The following MBOAT1 variants were observed in gnomAD, a reference collection of about 807,000 sequenced individuals.
MBOAT1 encodes membrane-bound glycerophospholipid O-acyltransferase 1.
Under a neutral mutation model 64.4 loss-of-function variants are expected in MBOAT1, and 67 were observed. That is an observed-to-expected ratio of 1.04 (90% CI 0.85 to 1.27). The LOEUF (loss-of-function observed/expected upper bound fraction) is 1.27, where lower values mean the gene tolerates loss of function less well. Ranked by LOEUF, MBOAT1 falls within the 50% of genes most tolerant of loss-of-function variation. The pLI is 0.00. For synonymous variants in MBOAT1, 229 were observed against 218.9 expected (o/e 1.05, Z -0.41); for missense variants, 563 against 604.6 (o/e 0.93, Z 0.72).
chr6:20,142,309 C>G (rs987778647), intron 4 of MBOAT1, among the ~76,000 whole-genome samples: 11 of 152,138 alleles, frequency 7.2e-5, no homozygotes, highest in African/African-American at 2.7e-4. Flanking sequence ...GGGGTGAAAC[C>G]AAAACAGTGG....
chr6:20,118,316 G>A (rs1760389187), intron 9 of MBOAT1, 121 bp downstream of exon 9: 2 of 753,522 alleles, frequency 2.7e-6, no homozygotes, highest in African/African-American at 1.8e-5. Flanking sequence ...GCTGAGCCTG[G>A]CAATTCCCTG....
rs775318866 is a variant in MBOAT1 at position 20,126,554 on chromosome 6, C to T, written c.677G>A (p.Arg226Gln). ...HMKLLEVNWKRKGFHSLPEPS... is the reference protein window; with the variant it reads ...HMKLLEVNWKQKGFHSLPEPS... ...TTCTGGCAAGCTGTGGAAACCTTTTCGCTTCCAGTTCACCTCCAGCAACTT... is the reference window on the plus strand; with the variant it reads ...TTCTGGCAAGCTGTGGAAACCTTTTTGCTTCCAGTTCACCTCCAGCAACTT... Residue 226 changes from arginine (R) to glutamine (Q), a missense_variant, in exon 7 of 13, where the codon CGA becomes CAA. Transcript: ENST00000324607. The T allele has an allele frequency of 9.9e-6, 16 of 1,612,770 alleles. No individual in the cohort carries two copies. The highest frequency in any genetic ancestry group is 2.2e-5 in the East Asian group (1 of 44,878).
rs537125848 is a variant in MBOAT1 at position 20,150,562 on chromosome 6, CT to C, written c.323+622del. ...TTTCATTATTTTCTTTTTCTTTTTC[CT>C]TTTTTTTTTTTTTTTTGACAGAGGA... is the stretch of plus-strand genomic sequence containing the variant. On this transcript the variant is annotated intron_variant, in intron 3 of 12. Transcript: ENST00000324607. 9.6e-3 allele frequency among the ~76,000 whole-genome samples: 1,292 copies of C among 134,780 alleles called. 5 individuals carry two copies. The highest frequency in any genetic ancestry group is 0.054 in the South Asian group (229 of 4,214). 88.4% of individuals were successfully genotyped at this position (134,780 alleles called of 152,430 possible).
chr6:20,131,627 G>A (rs778145003), intron 4 of MBOAT1, among the ~76,000 whole-genome samples: 11 of 152,148 alleles, frequency 7.2e-5, no homozygotes, highest in African/African-American at 7.2e-5. Flanking sequence ...TAATACAGCC[G>A]TTGGAAAGAA....
intron 10 of MBOAT1, among the ~76,000 whole-genome samples, chr6:20,114,103 G>T (rs1256336581): frequency 2.0e-5 from 3 of 152,158 alleles, no homozygotes; most frequent in Non-Finnish European, 4.4e-5. Flanking sequence ...TAGCAATAAT[G>T]TTGAGGCCAA....
intron 1 of MBOAT1, among the ~76,000 whole-genome samples, chr6:20,173,211 C>G (rs1357892019): frequency 1.3e-5 from 2 of 152,192 alleles, no homozygotes; most frequent in African/African-American, 4.8e-5. Context: ...AAATTACCCA[C>G]TCTCAGGTAT....
intron 1 of MBOAT1, among the ~76,000 whole-genome samples, chr6:20,159,346 T>A (rs763114884): frequency 7.9e-5 from 12 of 152,060 alleles, no homozygotes; most frequent in Non-Finnish European, 1.5e-4. Context: ...GTGTACACCC[T>A]ATGAGAACTA....
intron 1 of MBOAT1, among the ~76,000 whole-genome samples, chr6:20,179,181 G>C (rs1221195987): frequency 6.8e-6 from 1 of 146,664 alleles, no homozygotes; most frequent in African/African-American, 2.5e-5. Flanking sequence ...AACCCTCAAT[G>C]TGCTACTGAG....
intron 5 of MBOAT1, 96 bp downstream of exon 5, chr6:20,131,048 A>G (rs1760812194): frequency 3.7e-6 from 4 of 1,072,282 alleles, no homozygotes; most frequent in African/African-American, 3.2e-5. Flanking sequence ...ATCTGCCAGC[A>G]TTTGTCTAAA....
rs1409218525 is a variant in MBOAT1, at chr6:20,159,811, A to T, written c.100-7042T>A. Among the ~76,000 whole-genome samples the T allele has an allele frequency of 2.6e-5, 4 of 152,236 alleles. 1 individual carries two copies. The highest frequency in any genetic ancestry group is 5.9e-5 in the Non-Finnish European group (4 of 68,032). ...AAAAATAAAATAAAACTTACAAAACATATGTATCATGATGTTCCTTAATAA... is the reference window on the plus strand; with the variant it reads ...AAAAATAAAATAAAACTTACAAAACTTATGTATCATGATGTTCCTTAATAA... On this transcript the variant is annotated intron_variant, in intron 1 of 12. Transcript: ENST00000324607.
At chr6:20,193,548 A>G (rs1762868544) in intron 1 of MBOAT1, among the ~76,000 whole-genome samples, 1 of 151,786 alleles carries the variant, frequency 6.6e-6, no homozygotes, top group Non-Finnish European at 1.5e-5. Context: ...TTATTAGAAA[A>G]CCATTCATGA....
intron 1 of MBOAT1, among the ~76,000 whole-genome samples, chr6:20,210,697 G>A (rs967184678): frequency 4.8e-5 from 7 of 146,556 alleles, no homozygotes; most frequent in African/African-American, 1.8e-4. Flanking sequence ...GCAATTGAAA[G>A]ACATTAAAAA....
chr6:20,206,166 G>C (rs1007899423), intron 1 of MBOAT1, among the ~76,000 whole-genome samples: 1 of 151,820 alleles, frequency 6.6e-6, no homozygotes, highest in Non-Finnish European at 1.5e-5. Context: ...CTGCTGCTTT[G>C]CACTGTTTTC....
chr6:20,178,964 T>A, intron 1 of MBOAT1, among the ~76,000 whole-genome samples: 1 of 152,078 alleles, frequency 6.6e-6, no homozygotes, highest in East Asian at 1.9e-4. Flanking sequence ...AGTTCAGGGA[T>A]ACCTGTGCAG....
chr6:20,162,910 C>G (rs1761904046), intron 1 of MBOAT1, among the ~76,000 whole-genome samples: 1 of 152,224 alleles, frequency 6.6e-6, no homozygotes, highest in African/African-American at 2.4e-5. Flanking sequence ...GGTACATCCT[C>G]CAGTCCCTCT....
chr6:20,204,209 T>C (rs758403464), intron 1 of MBOAT1, among the ~76,000 whole-genome samples: 5 of 152,154 alleles, frequency 3.3e-5, no homozygotes, highest in Non-Finnish European at 7.3e-5. Flanking sequence ...CCCAGGAAGT[T>C]CTCCCCTAGC....
intron 1 of MBOAT1, among the ~76,000 whole-genome samples, chr6:20,164,200 CACACAA>C (rs963106131): frequency 1.1e-4 from 16 of 147,394 alleles, no homozygotes; most frequent in South Asian, 4.2e-4. Context: ...CACACACACA[CACACAA>C]ACACACCCCA....
At chr6:20,188,825 G>C (rs773468440) in intron 1 of MBOAT1, among the ~76,000 whole-genome samples, 1 of 152,158 alleles carries the variant, frequency 6.6e-6, no homozygotes, top group African/African-American at 2.4e-5. Context: ...CTGTGTGGCT[G>C]TGGGCATGTC....
At chr6:20,127,979 T>C (rs1343210816) in intron 6 of MBOAT1, among the ~76,000 whole-genome samples, 1 of 152,048 alleles carries the variant, frequency 6.6e-6, no homozygotes, top group Non-Finnish European at 1.5e-5. Context: ...CTCCACTGCT[T>C]CCAAGTCCCA....
Sources: allele counts gnomAD v4.1 joint callset (sites outside exome capture counted in the v4.1 genomes callset), GRCh38; gene constraint gnomAD v4.1.1; transcripts MANE v1.5; gene names NCBI Gene and HGNC (gene_info 2026-07-23, HGNC 2026-07-21).